CELSR1: variants seen among roughly 807,000 people sequenced by gnomAD.
CELSR1 encodes the protein adhesion G protein-coupled receptor C1.
CELSR1 carries 110 observed loss-of-function variants against 249.1 expected under a neutral mutation model. That is an observed-to-expected ratio of 0.44 (90% CI 0.38 to 0.52). The LOEUF (loss-of-function observed/expected upper bound fraction) is 0.52. CELSR1 is among the 20% of genes least tolerant of loss of function. The probability of loss-of-function intolerance (pLI) is 0.00; values close to 1 mark genes in which losing one functional copy is unlikely to be tolerated. For synonymous variants in CELSR1, 2,113 were observed against 1,900.0 expected (o/e 1.11, Z -2.92); for missense variants, 4,109 against 4,296.4 (o/e 0.96, Z 1.22).
chr22:46,530,337 T>G (rs946819382), intron 1 of CELSR1: 1 of 148,922 alleles, frequency 6.7e-6, no homozygotes, highest in East Asian at 1.9e-4. Context: ...TATAATTCAT[T>G]ATAACATATA....
At position 46,367,049 on chromosome 22, in the gene CELSR1, C is replaced by A. The variant is rs143178172; in HGVS notation, c.8149G>T (p.Gly2717Cys). ...EVRKHLKGVLGGRKLHLEDSA... is the reference protein window; with the variant it reads ...EVRKHLKGVLCGRKLHLEDSA... ...TCCTCCAGGTGCAGCTTCCTCCCGC[C>A]GAGCACGCCCTTCAGGTGCTTCCGG... The change falls in exon 29 of 35, where the codon GGC (glycine) becomes TGC (cysteine). Residue 2717 changes from glycine (G) to cysteine (C), a missense_variant. Around this residue, in one of 7 missense-constraint regions of CELSR1, gnomAD observed 1,805 missense variants for 1,831.6 expected, o/e 0.99. Transcript: ENST00000674500. 1 of 1,611,242 alleles carries A rather than the reference C, an allele frequency of 6.2e-7. No homozygotes were observed. The highest frequency in any genetic ancestry group is 8.5e-7 in the Non-Finnish European group (1 of 1,179,630).
intron 25 of CELSR1, chr22:46,370,081 G>A (rs1485292237): frequency 7.4e-6 from 4 of 540,144 alleles, no homozygotes; most frequent in Admixed American, 4.5e-5. Context: ...GAAGACCAGA[G>A]ACCCTGGAGG....
chr22:46,386,515 C>A lies in CELSR1; in HGVS notation c.6626G>T (p.Ser2209Ile). ...TRAAWEQIQR[S>I]EGGTAQLLRR... ...GAGCAGCTGTGCCGTGCCGCCCTCG[C>A]TCCGCTGGATCTGCTCCCACGCCGC... Residue 2209 changes from serine (S) to isoleucine (I), a missense_variant, in exon 19 of 35, where the codon AGC (serine) becomes ATC (isoleucine). Coordinates refer to ENST00000674500, the MANE Select transcript of CELSR1 (RefSeq NM_001378328.1). 6.3e-7 allele frequency: 1 copy of A among 1,597,812 alleles called. No individual in the cohort carries two copies. The highest frequency in any genetic ancestry group is 8.5e-7 in the Non-Finnish European group (1 of 1,173,240).
rs566765442 is a variant in CELSR1, at chr22:46,461,378, A to G, written c.4183+2329T>C. ...CTCCCGATGAAAAGAAAACCTGAGA[A>G]GCTCAGAAGGTGGGTTCCCCCCAAT... On this transcript the variant is annotated intron_variant, in intron 2 of 34. Transcript: ENST00000674500. Among the ~76,000 whole-genome samples, 20 of 152,342 alleles carry G rather than the reference A, an allele frequency of 1.3e-4. 1 individual carries two copies. In the South Asian group the frequency reaches 2.7e-3, roughly 21 times the overall value.
chr22:46,438,823 G>C lies in CELSR1; in HGVS notation c.4406+366C>G, dbSNP rs149653796. On this transcript the variant is annotated intron_variant, in intron 3 of 34. Transcript: ENST00000674500. ...GCCCAGGTCGGAGTGCAGTGGCACA[G>C]TCTCAGCTCACTGCAACCTCCACCT... is the stretch of plus-strand genomic sequence containing the variant. Among the ~76,000 whole-genome samples, 824 of 152,238 alleles carry C rather than the reference G, an allele frequency of 5.4e-3. 9 individuals are homozygous for C. Among genetic ancestry groups the C allele is most frequent in the African/African-American group, 0.019 (778 of 41,540 alleles).
At chr22:46,439,441 G>A (rs9616008) in intron 2 of CELSR1, 30 bp from the exon 3 acceptor site, 132,587 of 1,574,452 alleles carry the variant, frequency 0.084, 6,085 homozygotes, top group Non-Finnish European at 0.093. Context: ...TGCCAGAGAG[G>A]AGGTTACCGA....
In CELSR1 at chr22:46,490,078, G is replaced by A. The variant is rs2080353259; in HGVS notation, c.3545-25733C>T. 6.6e-6 allele frequency among the ~76,000 whole-genome samples: 1 copy of A among 152,282 alleles called. No homozygotes were observed. Among genetic ancestry groups the A allele is most frequent in the South Asian group, 2.1e-4 (1 of 4,824 alleles). On this transcript the variant is annotated intron_variant, in intron 1 of 34. Transcript: ENST00000674500. The surrounding 1 kb of genome is among the most constrained non-coding windows in gnomAD (Gnocchi z 5.2). ...CCCCACAGGGCTGCACAGAGACCCA[G>A]TGAGCCGCTTTCTGAGAACCAACGT... is the stretch of plus-strand genomic sequence containing the variant.
rs1312563037 is a variant in CELSR1 at position 46,393,313 on chromosome 22, A to T, written c.5964+829T>A. 1.3e-5 allele frequency among the ~76,000 whole-genome samples: 2 copies of T among 152,208 alleles called. No individual in the cohort carries two copies. Among genetic ancestry groups the T allele is most frequent in the Non-Finnish European group, 2.9e-5 (2 of 68,030 alleles). Reference sequence around the variant, plus strand: ...ACTGAGAACGCGTGTGCATTTCTGGAGACACGAGATGTGAGCTCCGTGCTG... The same window carrying T: ...ACTGAGAACGCGTGTGCATTTCTGGTGACACGAGATGTGAGCTCCGTGCTG... On this transcript the variant is annotated intron_variant, in intron 14 of 34. Transcript: ENST00000674500. The surrounding 1 kb of genome is among the most constrained non-coding windows in gnomAD (Gnocchi z 4.1).
intron 2 of CELSR1, among the ~76,000 whole-genome samples, chr22:46,461,330 T>G (rs1046613566): frequency 6.6e-6 from 1 of 152,186 alleles, no homozygotes; most frequent in African/African-American, 2.4e-5. Context: ...CGTTCCCCAG[T>G]CATTAGTTTT....
rs542179294 is a variant in CELSR1 at position 46,480,292 on chromosome 22, C to A, written c.3545-15947G>T. On this transcript the variant is annotated intron_variant, in intron 1 of 34. Transcript: ENST00000674500. ...TGTGGTAGACGAAATAATGTCTCCC[C>A]CTCACCTCCCAAGAAGAGGTCCATG... 3.3e-5 allele frequency among the ~76,000 whole-genome samples: 5 copies of A among 152,296 alleles called. No homozygotes were observed. In the East Asian group the frequency reaches 9.7e-4, roughly 29 times the overall value.
chr22:46,506,666 C>T lies in CELSR1; in HGVS notation c.3544+26961G>A, dbSNP rs544759901. Among the ~76,000 whole-genome samples, 587 of 152,308 alleles carry T rather than the reference C, an allele frequency of 3.9e-3. 4 individuals are homozygous for T. Among genetic ancestry groups the T allele is most frequent in the Non-Finnish European group, 6.1e-3 (418 of 68,024 alleles). Reference sequence around the variant, plus strand: ...ATTCTAGATCAGTTTTCAGGGCATACCCTCCCTACCCGCAGTGACGCACAG... The same window carrying T: ...ATTCTAGATCAGTTTTCAGGGCATATCCTCCCTACCCGCAGTGACGCACAG... On this transcript the variant is annotated intron_variant, in intron 1 of 34. Coordinates refer to ENST00000674500, the MANE Select transcript of CELSR1 (RefSeq NM_001378328.1). The surrounding 1 kb of genome is among the most constrained non-coding windows in gnomAD (Gnocchi z 4.1).
chr22:46,430,056 TC>T lies in CELSR1; in HGVS notation c.4611+3336del, dbSNP rs1224162546. Among the ~76,000 whole-genome samples, 1 of 151,908 alleles carries T rather than the reference TC, an allele frequency of 6.6e-6. No individual in the cohort carries two copies. Among genetic ancestry groups the T allele is most frequent in the African/African-American group, 2.4e-5 (1 of 41,334 alleles). ...TGTACACTGGTGGGTGGGGGAAGGG[TC>T]CCCGCAGGTTGCACGTGGAGGCAGT... is the stretch of plus-strand genomic sequence containing the variant. On this transcript the variant is annotated intron_variant, in intron 5 of 34. Transcript: ENST00000674500. The surrounding 1 kb of genome is among the most constrained non-coding windows in gnomAD (Gnocchi z 4.6).
Position 46,489,917 on chromosome 22 carries a change from C to G in CELSR1, c.3545-25572G>C, listed in dbSNP as rs1480988714. ...TCAAAAAAAAAAAAGCCCATCCTTCCTGCACTCTGTGGCCTCCAGGTTCCA... is the reference window on the plus strand; with the variant it reads ...TCAAAAAAAAAAAAGCCCATCCTTCGTGCACTCTGTGGCCTCCAGGTTCCA... On this transcript the variant is annotated intron_variant, in intron 1 of 34. Transcript: ENST00000674500. Among the ~76,000 whole-genome samples, 3 of 152,008 alleles carry G rather than the reference C, an allele frequency of 2.0e-5. No individual in the cohort carries two copies. In the East Asian group the frequency reaches 5.8e-4, roughly 30 times the overall value.
rs1299054382 is a variant in CELSR1, at chr22:46,506,337, G to C, written c.3544+27290C>G. ...CCTGGGGGAGCAGCAGAGCCCCGCAGGCCCTGTTGGGGTTTGGGGAGGCCC... is the reference window on the plus strand; with the variant it reads ...CCTGGGGGAGCAGCAGAGCCCCGCACGCCCTGTTGGGGTTTGGGGAGGCCC... On this transcript the variant is annotated intron_variant, in intron 1 of 34. Transcript: ENST00000674500. The surrounding 1 kb of genome is among the most constrained non-coding windows in gnomAD (Gnocchi z 4.1). 6.6e-6 allele frequency among the ~76,000 whole-genome samples: 1 copy of C among 152,190 alleles called. No individual in the cohort carries two copies. The highest frequency in any genetic ancestry group is 1.5e-5 in the Non-Finnish European group (1 of 68,024).
At chr22:46,426,776 G>C (rs1181547547) in intron 5 of CELSR1, among the ~76,000 whole-genome samples, 1 of 152,202 alleles carries the variant, frequency 6.6e-6, no homozygotes, top group African/African-American at 2.4e-5. Flanking sequence ...GCCCATGGGA[G>C]TGGGTCCACT....
chr22:46,375,366 C>G (rs2078907628), intron 24 of CELSR1, among the ~76,000 whole-genome samples: 1 of 152,018 alleles, frequency 6.6e-6, no homozygotes, highest in South Asian at 2.1e-4. Context: ...CTGGAGACGT[C>G]AAACTCCCCT....
At position 46,464,115 on chromosome 22, in the gene CELSR1, T is replaced by A; in HGVS notation, c.3775A>T (p.Asn1259Tyr). The A allele has an allele frequency of 6.2e-7, 1 of 1,613,772 alleles. No homozygotes were observed. The highest frequency in any genetic ancestry group is 8.5e-7 in the Non-Finnish European group (1 of 1,180,032). Residue 1259 changes from asparagine (N) to tyrosine (Y), a missense_variant, in exon 2 of 35, where the codon AAC becomes TAC. Asn to Tyr is a moderately radical substitution (Grantham distance 143, BLOSUM62 -2). Around this residue, in one of 7 missense-constraint regions of CELSR1, gnomAD observed 141 missense variants for 209.4 expected, o/e 0.67. Coordinates refer to ENST00000674500, the MANE Select transcript of CELSR1 (RefSeq NM_001378328.1). This position sits in a 1 kb window ranked among gnomAD's most constrained non-coding sequence, Gnocchi z 8.5. ...GGCAGCAGCGCCGAGAAGGTCACGT[T>A]CAGGATGTTGGAGCTGACGTCGGTG... ...NDTDVSSNILNVTFSALLPGG... is the reference protein window; with the variant it reads ...NDTDVSSNILYVTFSALLPGG...
intron 1 of CELSR1, among the ~76,000 whole-genome samples, chr22:46,497,790 A>G (rs571960859): frequency 6.6e-6 from 1 of 152,130 alleles, no homozygotes; most frequent in Non-Finnish European, 1.5e-5. Context: ...CCAGATTCCT[A>G]TGGGGTTTTC....
At position 46,423,770 on chromosome 22, in the gene CELSR1, G is replaced by A. The variant is rs1252044238; in HGVS notation, c.4611+9623C>T. Among the ~76,000 whole-genome samples, 1 of 151,670 alleles carries A rather than the reference G, an allele frequency of 6.6e-6. No individual in the cohort carries two copies. The highest frequency in any genetic ancestry group is 6.6e-5 in the Admixed American group (1 of 15,240). Reference sequence around the variant, plus strand: ...TTGGATCACCTGAGGTCAGGAGTTCGAGACCAGCCTGGCCAACATGGTGAA... The same window carrying A: ...TTGGATCACCTGAGGTCAGGAGTTCAAGACCAGCCTGGCCAACATGGTGAA... On this transcript the variant is annotated intron_variant, in intron 5 of 34. Coordinates refer to ENST00000674500, the MANE Select transcript of CELSR1 (RefSeq NM_001378328.1). This position sits in a 1 kb window ranked among gnomAD's most constrained non-coding sequence, Gnocchi z 5.6.
Sources: gnomAD v4.1 joint callset for allele counts (sites outside exome capture counted in the v4.1 genomes callset) on GRCh38, gnomAD v4.1.1 for gene constraint, gnomAD v4.1.1 regional missense constraint, Gnocchi (gnomAD v3.1) non-coding constraint, MANE v1.5 for transcripts, NCBI Gene and HGNC (gene_info 2026-07-23, HGNC 2026-07-21) for gene names.